ESRRB: variants seen among roughly 807,000 people sequenced by gnomAD.
The protein encoded by ESRRB is estrogen related receptor beta, also known as steroid hormone receptor ERR2.
In ESRRB, 16 loss-of-function variants were observed where a neutral mutation model predicts 46.0. The observed-to-expected ratio is 0.35, with a 90% CI of 0.24 to 0.53. The LOEUF (loss-of-function observed/expected upper bound fraction) is 0.53. Ranked by LOEUF, ESRRB falls within the 20% of genes least tolerant of loss-of-function variation. The pLI, the probability that ESRRB is intolerant of heterozygous loss-of-function variation, is 0.93. For missense variants in ESRRB, 488 were observed against 607.4 expected, an observed-to-expected ratio of 0.80 and a Z score of 2.07; for synonymous variants, 246 against 259.6, an observed-to-expected ratio of 0.95 and a Z score of 0.50.
chr14:76,345,327 A>G (rs926611165), intron 1 of ESRRB, among the ~76,000 whole-genome samples: 2 of 151,238 alleles, frequency 1.3e-5, no homozygotes, highest in African/African-American at 2.4e-5. Context: ...TCTACAACGA[A>G]CTCAAACAAA....
At chr14:76,433,394 T>C (rs1011379314) in intron 1 of ESRRB, among the ~76,000 whole-genome samples, 1 of 152,154 alleles carries the variant, frequency 6.6e-6, no homozygotes, top group African/African-American at 2.4e-5. Flanking sequence ...GGACCAGCAG[T>C]AGGACCGAGA....
intron 6 of ESRRB, among the ~76,000 whole-genome samples, chr14:76,494,748 C>T (rs569912383): frequency 2.6e-5 from 4 of 152,310 alleles, no homozygotes; most frequent in African/African-American, 4.8e-5. Context: ...CAGAGGGCTT[C>T]GAGGTTCTGT....
chr14:76,493,233 C>A (rs991154943), intron 6 of ESRRB, among the ~76,000 whole-genome samples: 1 of 152,184 alleles, frequency 6.6e-6, no homozygotes, highest in African/African-American at 2.4e-5. Flanking sequence ...CGGCTCACTG[C>A]AACCTCTGCC....
rs1361947934 is a variant in ESRRB, at chr14:76,462,711, G to A, written c.577+50G>A. On this transcript the variant is annotated intron_variant, in intron 3 of 6. Transcript: ENST00000644823. Reference sequence around the variant, plus strand: ...TTCACTGTGAGGCTCTGCTTGCTGGGGAGTTTTTGTCCCCTGTGAGACACC... The same window carrying A: ...TTCACTGTGAGGCTCTGCTTGCTGGAGAGTTTTTGTCCCCTGTGAGACACC... 4 of 1,424,146 alleles carry A rather than the reference G, an allele frequency of 2.8e-6. No homozygotes were observed. The East Asian group carries it at 6.8e-5, about 24-fold the overall frequency. The allele number at this position is 1,424,146 out of a possible 1,614,324, so 88.2% of individuals were successfully genotyped here.
At chr14:76,331,933 A>G (rs904303821) in intron 1 of ESRRB, among the ~76,000 whole-genome samples, 2 of 151,876 alleles carry the variant, frequency 1.3e-5, no homozygotes, top group African/African-American at 4.8e-5. Context: ...AGTCATCTCA[A>G]TGGTCATTTC....
chr14:76,372,528 G>T (rs1884649443), upstream of ESRRB, among the ~76,000 whole-genome samples: 1 of 152,178 alleles, frequency 6.6e-6, no homozygotes, highest in South Asian at 2.1e-4. Context: ...CTCAGGGAGG[G>T]AGGGAGTAGG....
At chr14:76,421,284 T>C (rs1595100596) in intron 1 of ESRRB, among the ~76,000 whole-genome samples, 1 of 152,184 alleles carries the variant, frequency 6.6e-6, no homozygotes, top group East Asian at 1.9e-4. Context: ...TCAGGATGGC[T>C]TAGAGGGCAA....
intron 1 of ESRRB, among the ~76,000 whole-genome samples, chr14:76,355,183 G>A (rs1884364833): frequency 6.6e-6 from 1 of 152,216 alleles, no homozygotes; most frequent in African/African-American, 2.4e-5. Context: ...CAGGTGGCCA[G>A]AGGCGGTAGA....
intron 1 of ESRRB, among the ~76,000 whole-genome samples, chr14:76,390,979 G>T (rs1382142413): frequency 6.6e-6 from 1 of 152,186 alleles, no homozygotes; most frequent in Non-Finnish European, 1.5e-5. Context: ...CTGCAGCGGG[G>T]CCCCAGGACC....
Position 76,498,420 on chromosome 14 carries a change from C to A in ESRRB, c.1327C>A (p.His443Asn). ...CAAACTGCAGGGCAAAGTGCCCATG[C>A]ACAAACTCTTCCTGGAGATGCTGGA... is the stretch of plus-strand genomic sequence containing the variant. ...SVKLQGKVPM[H>N]KLFLEMLEAK... The change falls in exon 7 of 7, where the codon CAC becomes AAC. Residue 443 changes from histidine (H) to asparagine (N), a missense_variant. Coordinates refer to ENST00000644823, the MANE Select transcript of ESRRB (RefSeq NM_001379180.1). The A allele has an allele frequency of 6.2e-7, 1 of 1,613,562 alleles. No homozygotes were observed. The highest frequency in any genetic ancestry group is 8.5e-7 in the Non-Finnish European group (1 of 1,180,008).
intron 1 of ESRRB, among the ~76,000 whole-genome samples, chr14:76,433,725 A>G (rs1211520474): frequency 6.6e-6 from 1 of 152,182 alleles, no homozygotes; most frequent in African/African-American, 2.4e-5. Flanking sequence ...CCCATCATGC[A>G]GTAACCTGGC....
intron 1 of ESRRB, among the ~76,000 whole-genome samples, chr14:76,436,877 A>G (rs765108948): frequency 2.6e-5 from 4 of 152,152 alleles, no homozygotes; most frequent in Non-Finnish European, 5.9e-5. Context: ...CTGTCTTCAC[A>G]CACTGCATTT....
chr14:76,429,948 G>A (rs1249201924), intron 1 of ESRRB, among the ~76,000 whole-genome samples: 1 of 151,756 alleles, frequency 6.6e-6, no homozygotes, highest in Non-Finnish European at 1.5e-5. Context: ...TGGCCTACTT[G>A]CCCCTTCCTT....
At chr14:76,453,845 C>T (rs747224689) in intron 2 of ESRRB, among the ~76,000 whole-genome samples, 9 of 152,108 alleles carry the variant, frequency 5.9e-5, no homozygotes, top group Non-Finnish European at 1.3e-4. Flanking sequence ...CACCTGGGCT[C>T]AAGTGATCCA....
At chr14:76,406,705 T>C (rs934579768) in intron 1 of ESRRB, among the ~76,000 whole-genome samples, 7 of 152,038 alleles carry the variant, frequency 4.6e-5, no homozygotes, top group African/African-American at 9.7e-5. Flanking sequence ...GATCATGCCA[T>C]TGCACTCCAG....
At chr14:76,488,511 G>C (rs1890101860) in intron 5 of ESRRB, among the ~76,000 whole-genome samples, 1 of 152,226 alleles carries the variant, frequency 6.6e-6, no homozygotes, top group Non-Finnish European at 1.5e-5. Flanking sequence ...AGATCTTAGA[G>C]GGTCTAACCA....
rs1327754251 is a variant in ESRRB, at chr14:76,412,143, G to A, written c.51-27198G>A. ...TACCTGGCATTCTGCTCTGTGCTGCGGGGCACACAAAGAAGAACAGACCTC... is the reference window on the plus strand; with the variant it reads ...TACCTGGCATTCTGCTCTGTGCTGCAGGGCACACAAAGAAGAACAGACCTC... On this transcript the variant is annotated intron_variant, in intron 1 of 6. Coordinates refer to ENST00000644823, the MANE Select transcript of ESRRB (RefSeq NM_001379180.1). 2.6e-5 allele frequency among the ~76,000 whole-genome samples: 4 copies of A among 152,212 alleles called. No individual in the cohort carries two copies. In the South Asian group the frequency reaches 6.2e-4, roughly 24 times the overall value.
intron 1 of ESRRB, among the ~76,000 whole-genome samples, chr14:76,430,154 G>T (rs947768247): frequency 6.6e-6 from 1 of 152,056 alleles, no homozygotes; most frequent in Non-Finnish European, 1.5e-5. Flanking sequence ...GGGGCATTCT[G>T]CAATCTTTAA....
At chr14:76,319,415 A>G (rs968544977) in intron 1 of ESRRB, among the ~76,000 whole-genome samples, 1 of 152,130 alleles carries the variant, frequency 6.6e-6, no homozygotes, top group Non-Finnish European at 1.5e-5. Flanking sequence ...CCAAATCCAG[A>G]CTTGTGACCA....
Sources: allele counts gnomAD v4.1 joint callset (sites outside exome capture counted in the v4.1 genomes callset), GRCh38; gene constraint gnomAD v4.1.1; transcripts MANE v1.5; gene names NCBI Gene and HGNC (gene_info 2026-07-23, HGNC 2026-07-21).